The following PCSK5 variants were observed in gnomAD, a reference collection of about 807,000 sequenced individuals.
PCSK5 encodes the protein prohormone convertase 5.
A neutral mutation model predicts 233.2 loss-of-function variants in PCSK5; 129 were observed. The observed-to-expected ratio is 0.55, with a 90% CI of 0.48 to 0.64. PCSK5 has a LOEUF of 0.64. Ranked by LOEUF, PCSK5 falls within the 30% of genes least tolerant of loss-of-function variation. The pLI is 0.00. For synonymous variants in PCSK5, 825 were observed against 879.2 expected (o/e 0.94, Z 1.09); for missense variants, 2,076 against 2,430.1 (o/e 0.85, Z 3.06).
At chr9:76,056,372 G>A (rs888099715) in intron 5 of PCSK5, among the ~76,000 whole-genome samples, 1 of 152,054 alleles carries the variant, frequency 6.6e-6, no homozygotes, top group African/African-American at 2.4e-5. Context: ...TAACAGATAC[G>A]GAAGAAAAAA....
intron 10 of PCSK5, among the ~76,000 whole-genome samples, chr9:76,146,300 A>G (rs555830162): frequency 6.6e-6 from 1 of 151,928 alleles, no homozygotes; most frequent in South Asian, 2.1e-4. Context: ...TCATTCTTCC[A>G]TCTATAAGTG....
chr9:76,192,905 C>G (rs1347563384), intron 20 of PCSK5, among the ~76,000 whole-genome samples: 1 of 143,896 alleles, frequency 6.9e-6, no homozygotes, highest in Non-Finnish European at 1.5e-5. Context: ...ACTGTATACT[C>G]TCTGCTCTAG....
At chr9:76,079,744 G>A (rs1055473331) in intron 7 of PCSK5, among the ~76,000 whole-genome samples, 1 of 152,150 alleles carries the variant, frequency 6.6e-6, no homozygotes, top group Admixed American at 6.5e-5. Context: ...TCTTGTTTCG[G>A]TTCTCAAGGG....
intron 1 of PCSK5, among the ~76,000 whole-genome samples, chr9:75,917,184 A>C (rs1823042622): frequency 6.6e-6 from 1 of 151,884 alleles, no homozygotes; most frequent in Non-Finnish European, 1.5e-5. Flanking sequence ...AAAAAAAAAA[A>C]AAAAAGATGG....
At chr9:76,178,069 A>T (rs1823696323) in intron 14 of PCSK5, among the ~76,000 whole-genome samples, 1 of 152,094 alleles carries the variant, frequency 6.6e-6, no homozygotes, top group African/African-American at 2.4e-5. Flanking sequence ...AGAGACACAG[A>T]TGGCGTTATC....
intron 29 of PCSK5, 146 bp downstream of exon 29, chr9:76,308,874 C>T (rs1828782411): frequency 1.7e-6 from 1 of 604,386 alleles, no homozygotes; most frequent in Admixed American, 3.1e-5. Context: ...TCGGGAGACA[C>T]ACAGGGACCC....
chr9:76,345,995 C>T (rs1829970753), intron 35 of PCSK5, among the ~76,000 whole-genome samples: 1 of 152,232 alleles, frequency 6.6e-6, no homozygotes, highest in Non-Finnish European at 1.5e-5. Context: ...GCTGGGATTA[C>T]AGGCGTGGAC....
chr9:76,238,138 C>T (rs1039929986), intron 22 of PCSK5, among the ~76,000 whole-genome samples: 2 of 152,196 alleles, frequency 1.3e-5, no homozygotes, highest in African/African-American at 4.8e-5. Flanking sequence ...CGAGCACACT[C>T]AGCACAAAAA....
intron 24 of PCSK5, among the ~76,000 whole-genome samples, chr9:76,252,582 TTAGCCG>T (rs1325506285): frequency 2.0e-5 from 3 of 152,204 alleles, no homozygotes; most frequent in African/African-American, 7.2e-5. Context: ...ATATTTTCAG[TTAGCCG>T]TGGCATCCTC....
intron 3 of PCSK5, among the ~76,000 whole-genome samples, chr9:76,019,505 T>C (rs1828090256): frequency 6.6e-6 from 1 of 152,186 alleles, no homozygotes. Flanking sequence ...AGCATTTAAA[T>C]TGGCAGTTCA....
chr9:76,309,983 C>T (rs1214302182), intron 29 of PCSK5, among the ~76,000 whole-genome samples: 1 of 152,008 alleles, frequency 6.6e-6, no homozygotes, highest in Non-Finnish European at 1.5e-5. Context: ...AACTCTGGGC[C>T]GAGCCTGTAA....
At chr9:75,948,312 C>T (rs973328159) in intron 2 of PCSK5, among the ~76,000 whole-genome samples, 2 of 127,106 alleles carry the variant, frequency 1.6e-5, no homozygotes, top group Non-Finnish European at 3.3e-5. Flanking sequence ...CTCCCCTCGC[C>T]CCCCCACCCC....
At chr9:76,199,692 T>C (rs915975190) in intron 20 of PCSK5, among the ~76,000 whole-genome samples, 5 of 152,114 alleles carry the variant, frequency 3.3e-5, no homozygotes, top group Admixed American at 6.5e-5. Flanking sequence ...TCCTCACTTC[T>C]TCCCTGTGCC....
At chr9:75,967,156 G>A (rs1401067279) in intron 2 of PCSK5, among the ~76,000 whole-genome samples, 1 of 152,120 alleles carries the variant, frequency 6.6e-6, no homozygotes, top group African/African-American at 2.4e-5. Context: ...TGAATGTGCA[G>A]TTTTGTTACA....
rs1823765804 is a variant in PCSK5 at position 76,179,769 on chromosome 9, C to T, written c.2003+71C>T. 7.6e-6 allele frequency: 8 copies of T among 1,050,398 alleles called. No homozygotes were observed. The South Asian group carries it at 1.0e-4, about 13-fold the overall frequency. 65.1% of individuals were successfully genotyped at this position (1,050,398 alleles called of 1,614,324 possible). A position where few individuals can be genotyped will look rare whatever the true frequency, so the allele number is the denominator to read the frequency against. On this transcript the variant is annotated intron_variant, in intron 15 of 37. Coordinates refer to ENST00000674117, the MANE Select transcript of PCSK5 (RefSeq NM_001372043.1). ...CTTAGGAGTTCCTGCAAGGCTAATA[C>T]CATGGGGTGTGTGCAGGCCACTGGC...
intron 36 of PCSK5, among the ~76,000 whole-genome samples, chr9:76,352,501 G>A (rs575452756): frequency 1.3e-5 from 2 of 152,174 alleles, no homozygotes; most frequent in Admixed American, 1.3e-4. Flanking sequence ...AGTTGCTGTG[G>A]TTGAAATGCT....
intron 5 of PCSK5, among the ~76,000 whole-genome samples, chr9:76,062,968 C>G (rs549447015): frequency 6.6e-5 from 10 of 152,244 alleles, no homozygotes; most frequent in African/African-American, 2.4e-4. Context: ...CTACCCTTCC[C>G]AGCCTCTGTT....
intron 2 of PCSK5, among the ~76,000 whole-genome samples, chr9:75,943,374 AAACAAAAACCCAGCAAC>A: frequency 6.6e-6 from 1 of 152,318 alleles, no homozygotes; most frequent in South Asian, 2.1e-4. Flanking sequence ...GCAAACAAAC[AAACAAAAACCCAGCAAC>A]AACAAAAAAC....
At chr9:76,247,732 T>C (rs903510277) in intron 24 of PCSK5, among the ~76,000 whole-genome samples, 25 of 152,164 alleles carry the variant, frequency 1.6e-4, no homozygotes, top group Middle Eastern at 3.2e-3. Context: ...TGGTTACCTA[T>C]AGAGAAAGGT....
Sources: gnomAD v4.1 joint callset for allele counts (sites outside exome capture counted in the v4.1 genomes callset) on GRCh38, gnomAD v4.1.1 for gene constraint, MANE v1.5 for transcripts, NCBI Gene and HGNC (gene_info 2026-07-23, HGNC 2026-07-21) for gene names.